Variants in MAPRE2 observed in about 807,000 individuals in gnomAD.
MAPRE2 encodes microtubule-associated protein RP/EB family member 2.
In MAPRE2, 13 loss-of-function variants were observed where a neutral mutation model predicts 43.2. That is an observed-to-expected ratio of 0.30 (90% confidence interval 0.20 to 0.48). The LOEUF (loss-of-function observed/expected upper bound fraction) is 0.48. Among genes scored for constraint, MAPRE2 ranks in the 20% least tolerant of loss-of-function variants. MAPRE2 has a pLI of 0.99. For missense variants in MAPRE2, 161 were observed against 400.2 expected, an observed-to-expected ratio of 0.40 and a Z score of 5.10; for synonymous variants, 135 against 148.8, an observed-to-expected ratio of 0.91 and a Z score of 0.68.
exon 2 of MAPRE2, chr18:35,005,551 A>T: frequency 6.5e-7 from 1 of 1,540,744 alleles, no homozygotes; most frequent in Non-Finnish European, 8.8e-7. Flanking sequence ...CTGGATGCTC[A>T]AGGTAAGGTT....
chr18:35,057,172 G>A (rs1043394559), intron 1 of MAPRE2, among the ~76,000 whole-genome samples: 3 of 152,052 alleles, frequency 2.0e-5, no homozygotes, highest in Non-Finnish European at 4.4e-5. Context: ...ATGCCAACAT[G>A]TCTGGCTCAT....
At chr18:35,097,002 T>C (rs1262480556) in intron 2 of MAPRE2, among the ~76,000 whole-genome samples, 11 of 152,190 alleles carry the variant, frequency 7.2e-5, no homozygotes, top group Non-Finnish European at 8.8e-5. Context: ...ATGAGAACTT[T>C]TGTAGTTCTC....
rs541314149 is a variant in MAPRE2 at position 35,029,900 on chromosome 18, A to G, written c.-8+24347A>G. Among the ~76,000 whole-genome samples the G allele has an allele frequency of 3.3e-5, 5 of 152,358 alleles. No homozygotes were observed. The South Asian group carries it at 8.3e-4, about 25-fold the overall frequency. On this transcript the variant is annotated intron_variant, in intron 2 of 7. Coordinates refer to the MAPRE2 transcript ENST00000413393. Reference sequence around the variant, plus strand: ...TCTGTATCTGGATGGTTGAATTATAACAGTCTTGGCATAGTGAAAATGAAA... The same window carrying G: ...TCTGTATCTGGATGGTTGAATTATAGCAGTCTTGGCATAGTGAAAATGAAA...
chr18:34,982,499 G>A (rs111660975), intron 1 of MAPRE2, among the ~76,000 whole-genome samples: 35 of 152,018 alleles, frequency 2.3e-4, no homozygotes, highest in Non-Finnish European at 1.5e-4. Flanking sequence ...TAATTCACCC[G>A]CAACCATCTT....
chr18:35,051,645 A>T (rs1289687731), intron 1 of MAPRE2, among the ~76,000 whole-genome samples: 2 of 152,214 alleles, frequency 1.3e-5, no homozygotes, highest in Non-Finnish European at 2.9e-5. Context: ...ACAGCCAGGA[A>T]GTTGCTTGAA....
chr18:35,068,926 A>G (rs1198744194), intron 1 of MAPRE2, among the ~76,000 whole-genome samples: 1 of 152,210 alleles, frequency 6.6e-6, no homozygotes, highest in East Asian at 1.9e-4. Context: ...TTTCTTCTTC[A>G]GGCAGTAATG....
At chr18:34,987,560 T>C (rs550704170) in intron 1 of MAPRE2, among the ~76,000 whole-genome samples, 32 of 152,230 alleles carry the variant, frequency 2.1e-4, no homozygotes, top group Non-Finnish European at 4.0e-4. Context: ...AGATAAAATA[T>C]CTTCCAGGTA....
chr18:35,021,197 C>A (rs755225200), intron 2 of MAPRE2, among the ~76,000 whole-genome samples: 6 of 152,084 alleles, frequency 3.9e-5, no homozygotes, highest in Admixed American at 6.6e-5. Context: ...CAGACCATTA[C>A]TTAAGCTTTA....
intron 2 of MAPRE2, among the ~76,000 whole-genome samples, chr18:35,027,739 T>C (rs1052381724): frequency 6.6e-6 from 1 of 152,254 alleles, no homozygotes; most frequent in African/African-American, 2.4e-5. Flanking sequence ...TAACTTAAAA[T>C]AACCATTTGT....
At chr18:35,089,307 T>A (rs1223051771) in intron 2 of MAPRE2, among the ~76,000 whole-genome samples, 1 of 152,178 alleles carries the variant, frequency 6.6e-6, no homozygotes, top group Non-Finnish European at 1.5e-5. Context: ...ATAGCTAAAT[T>A]GGATTTTATT....
At chr18:35,038,752 A>G (rs1472469981), upstream of MAPRE2, among the ~76,000 whole-genome samples, 1 of 152,082 alleles carries the variant, frequency 6.6e-6, no homozygotes, top group African/African-American at 2.4e-5. Flanking sequence ...AACCTGATTT[A>G]TGAGGAGAGG....
intron 2 of MAPRE2, among the ~76,000 whole-genome samples, chr18:35,072,685 T>C (rs1172698342): frequency 6.6e-6 from 1 of 152,196 alleles, no homozygotes; most frequent in East Asian, 1.9e-4. Context: ...AAGGGACATT[T>C]GTAAAGGATT....
chr18:35,084,342 T>C (rs2144135156), intron 2 of MAPRE2, among the ~76,000 whole-genome samples: 1 of 152,320 alleles, frequency 6.6e-6, no homozygotes, highest in East Asian at 1.9e-4. Context: ...TGAAAGCAGG[T>C]TATAAACAGA....
intron 5 of MAPRE2, 143 bp from the exon 6 acceptor site, chr18:35,131,889 T>C: frequency 1.3e-6 from 1 of 784,026 alleles, no homozygotes; most frequent in Non-Finnish European, 2.0e-6. Context: ...ACAACAGCCC[T>C]GTTGTTTCTC....
intron 1 of MAPRE2, among the ~76,000 whole-genome samples, chr18:34,997,995 C>G (rs1568966594): frequency 6.6e-6 from 1 of 152,100 alleles, no homozygotes; most frequent in East Asian, 1.9e-4. Flanking sequence ...ATATTGATTT[C>G]CCCAGTAGTT....
At chr18:35,082,022 G>A (rs1907661794) in intron 2 of MAPRE2, 1 of 73,230 alleles carries the variant, frequency 1.4e-5, no homozygotes, top group Non-Finnish European at 2.1e-5. Flanking sequence ...CGGGCGCGGT[G>A]GCTCACGCCT....
At chr18:35,095,305 A>G (rs1299705501) in intron 2 of MAPRE2, among the ~76,000 whole-genome samples, 1 of 152,002 alleles carries the variant, frequency 6.6e-6, no homozygotes, top group Non-Finnish European at 1.5e-5. Context: ...GAAAGTTTAC[A>G]TTAAAAATGG....
At chr18:35,000,257 G>C (rs1245667733) in intron 1 of MAPRE2, among the ~76,000 whole-genome samples, 1 of 152,188 alleles carries the variant, frequency 6.6e-6, no homozygotes, top group East Asian at 1.9e-4. Context: ...TGAACAGCTG[G>C]GGAGGTAGTA....
intron 1 of MAPRE2, among the ~76,000 whole-genome samples, chr18:35,061,973 G>A (rs973532146): frequency 2.6e-5 from 4 of 152,162 alleles, no homozygotes; most frequent in East Asian, 3.8e-4. Context: ...TGAATTATGC[G>A]CAGATGAAAA....
Sources: gnomAD v4.1 joint callset for allele counts (sites outside exome capture counted in the v4.1 genomes callset) on GRCh38, gnomAD v4.1.1 for gene constraint, MANE v1.5 for transcripts, NCBI Gene and HGNC (gene_info 2026-07-23, HGNC 2026-07-21) for gene names.